The following SEMA5A variants were observed in gnomAD, a reference collection of about 807,000 sequenced individuals.
The protein encoded by SEMA5A is semaphorin 5A.
In SEMA5A, 55 loss-of-function variants were observed where a neutral mutation model predicts 135.5. The ratio of observed to expected loss-of-function variants is 0.41; its 90% confidence interval spans 0.33 to 0.51. The LOEUF is 0.51. Among genes scored for constraint, SEMA5A ranks in the 20% least tolerant of loss-of-function variants. The pLI is 0.37. For missense variants in SEMA5A, 1,290 were observed against 1,419.9 expected (o/e 0.91, Z 1.47); for synonymous variants, 580 against 546.5 (o/e 1.06, Z -0.85).
intron 2 of SEMA5A, among the ~76,000 whole-genome samples, chr5:9,428,440 G>A (rs910899518): frequency 1.3e-5 from 2 of 152,142 alleles, no homozygotes; most frequent in African/African-American, 4.8e-5. Flanking sequence ...AAGGTTAGAT[G>A]CCAGGAAGGA....
intron 11 of SEMA5A, among the ~76,000 whole-genome samples, chr5:9,169,218 G>A (rs1441130562): frequency 6.6e-6 from 1 of 152,178 alleles, no homozygotes; most frequent in Non-Finnish European, 1.5e-5. Context: ...GACCTCCTGG[G>A]TATGTTAATT....
chr5:9,153,362 G>A lies in SEMA5A; in HGVS notation c.1481+1126C>T, dbSNP rs143144602. 3.5e-3 allele frequency among the ~76,000 whole-genome samples: 537 copies of A among 152,312 alleles called. 2 individuals carry two copies. The highest frequency in any genetic ancestry group is 0.012 in the African/African-American group (518 of 41,558). Reference sequence around the variant, plus strand: ...ATCTCCCGGAGTAAAGTGCTGGTCAGGTGTGTGATGTATACAGTACTTTTT... The same window carrying A: ...ATCTCCCGGAGTAAAGTGCTGGTCAAGTGTGTGATGTATACAGTACTTTTT... On this transcript the variant is annotated intron_variant, in intron 12 of 22. Transcript: ENST00000382496.
chr5:9,213,932 T>G (rs1292735721), intron 8 of SEMA5A, among the ~76,000 whole-genome samples: 5 of 151,968 alleles, frequency 3.3e-5, no homozygotes, highest in Admixed American at 1.3e-4. Flanking sequence ...ATGGGGGCTC[T>G]CGTAAGGTTG....
chr5:9,456,515 C>T (rs1758841414), intron 1 of SEMA5A, among the ~76,000 whole-genome samples: 2 of 152,130 alleles, frequency 1.3e-5, no homozygotes, highest in South Asian at 4.1e-4. Flanking sequence ...AGGCAGAGCA[C>T]AATTAAGGAC....
chr5:9,535,201 G>A (rs887689109), intron 1 of SEMA5A, among the ~76,000 whole-genome samples: 8 of 151,276 alleles, frequency 5.3e-5, no homozygotes, highest in African/African-American at 1.9e-4. Flanking sequence ...ACTGTTCAAA[G>A]TTAAGTAACA....
intron 7 of SEMA5A, among the ~76,000 whole-genome samples, chr5:9,225,472 G>A (rs1216641207): frequency 6.7e-6 from 1 of 150,336 alleles, no homozygotes; most frequent in East Asian, 2.0e-4. Flanking sequence ...GGGAGGCTGA[G>A]GCAGGAGAAT....
chr5:9,465,182 T>G (rs1561275337), intron 1 of SEMA5A, among the ~76,000 whole-genome samples: 1 of 152,246 alleles, frequency 6.6e-6, no homozygotes, highest in Admixed American at 6.5e-5. Context: ...GAACACAGTC[T>G]CATTGTTAAC....
intron 16 of SEMA5A, among the ~76,000 whole-genome samples, chr5:9,071,439 C>G (rs16881912): frequency 0.099 from 15,045 of 152,132 alleles, 876 homozygotes; most frequent in African/African-American, 0.14. Context: ...TTGTCAAAAG[C>G]AAGAACTTTG....
At chr5:9,508,276 C>T (rs1736013072) in intron 1 of SEMA5A, among the ~76,000 whole-genome samples, 1 of 152,146 alleles carries the variant, frequency 6.6e-6, no homozygotes, top group Non-Finnish European at 1.5e-5. Context: ...CCCTCTTCCT[C>T]ATGAAGCCCC....
intron 19 of SEMA5A, 136 bp downstream of exon 19, chr5:9,053,951 G>T (rs930179354): frequency 1.7e-5 from 15 of 890,364 alleles, no homozygotes; most frequent in Non-Finnish European, 1.7e-5. Flanking sequence ...CACTTCAAGG[G>T]TAATAGCATG....
intron 16 of SEMA5A, among the ~76,000 whole-genome samples, chr5:9,079,205 A>C (rs927495580): frequency 1.3e-5 from 2 of 152,136 alleles, no homozygotes; most frequent in Non-Finnish European, 2.9e-5. Flanking sequence ...AATCATAATA[A>C]ACAGTCTCTC....
At chr5:9,455,192 T>C (rs1449744673) in intron 1 of SEMA5A, among the ~76,000 whole-genome samples, 2 of 152,200 alleles carry the variant, frequency 1.3e-5, no homozygotes, top group African/African-American at 4.8e-5. Context: ...ACGGCACCTC[T>C]GTCTGAGTTT....
At chr5:9,526,111 C>T (rs1295356012) in intron 1 of SEMA5A, among the ~76,000 whole-genome samples, 1 of 152,166 alleles carries the variant, frequency 6.6e-6, no homozygotes, top group African/African-American at 2.4e-5. Flanking sequence ...ACAGCCAAAA[C>T]ATAACCTGCT....
intron 15 of SEMA5A, among the ~76,000 whole-genome samples, chr5:9,118,450 T>G (rs1740634620): frequency 6.6e-6 from 1 of 152,158 alleles, no homozygotes; most frequent in African/African-American, 2.4e-5. Context: ...AATGTTGCCA[T>G]GATGTGCTGA....
Position 9,087,210 on chromosome 5 carries a change from G to A in SEMA5A, c.2074-20564C>T, listed in dbSNP as rs191496323. On this transcript the variant is annotated intron_variant, in intron 16 of 22. Coordinates refer to ENST00000382496, the MANE Select transcript of SEMA5A (RefSeq NM_003966.3). ...GACCCCAATCCTGGCTGCCATTACC[G>A]ACATGGCTGTTTTCACATAACTGAG... 2.5e-3 allele frequency among the ~76,000 whole-genome samples: 376 copies of A among 152,254 alleles called. 1 individual carries two copies. The highest frequency in any genetic ancestry group is 3.4e-3 in the Middle Eastern group (1 of 294).
chr5:9,136,610 C>T lies in SEMA5A; in HGVS notation c.1493G>A (p.Gly498Glu). Residue 498 changes from glycine to glutamate, a missense_variant, in exon 13 of 23, where the codon GGG (glycine) becomes GAG (glutamate). Physicochemically the swap from Gly to Glu is moderately conservative, Grantham distance 98. This residue lies in a region of SEMA5A where 1,029 missense variants were observed against 1,086.6 expected (regional missense o/e 0.95). Coordinates refer to ENST00000382496, the MANE Select transcript of SEMA5A (RefSeq NM_003966.3). ...QFYRTRSTCI[G>E]AQDPYCGWDV... ...CCAGCCACAGTAAGGGTCCTGGGCC[C>T]CAATGCAGGTGCTGGAAACACACAC... The T allele has an allele frequency of 6.2e-7, 1 of 1,613,432 alleles. No homozygotes were observed. Among genetic ancestry groups the T allele is most frequent in the Non-Finnish European group, 8.5e-7 (1 of 1,179,460 alleles).
intron 1 of SEMA5A, among the ~76,000 whole-genome samples, chr5:9,510,924 C>T (rs774001271): frequency 6.6e-5 from 10 of 152,342 alleles, no homozygotes; most frequent in South Asian, 2.1e-4. Context: ...ACCAACTGAA[C>T]CATGGTCCAT....
intron 1 of SEMA5A, among the ~76,000 whole-genome samples, chr5:9,524,952 A>C (rs1737046216): frequency 6.6e-6 from 1 of 152,204 alleles, no homozygotes; most frequent in Admixed American, 6.5e-5. Flanking sequence ...CAAGCTAATA[A>C]AAAAGAGAGA....
At chr5:9,376,666 A>G (rs140799794) in intron 3 of SEMA5A, among the ~76,000 whole-genome samples, 80 of 152,302 alleles carry the variant, frequency 5.3e-4, no homozygotes, top group African/African-American at 1.9e-3. Flanking sequence ...AACCCTGTAC[A>G]CAACAGGCTT....
Sources: allele counts gnomAD v4.1 joint callset (sites outside exome capture counted in the v4.1 genomes callset), GRCh38; gene constraint gnomAD v4.1.1; regional missense constraint gnomAD v4.1.1; transcripts MANE v1.5; gene names NCBI Gene and HGNC (gene_info 2026-07-23, HGNC 2026-07-21).